Variants in PLEK observed in about 807,000 individuals in gnomAD.
PLEK encodes the protein pleckstrin, also known as platelet 47 kDa protein.
A neutral mutation model predicts 43.9 loss-of-function variants in PLEK; 25 were observed. The observed-to-expected ratio is 0.57, with a 90% CI of 0.41 to 0.79. PLEK has a LOEUF of 0.79. Among genes scored for constraint, PLEK ranks in the 30% least tolerant of loss-of-function variants. The pLI, the probability that PLEK is intolerant of heterozygous loss-of-function variation, is 0.00. For synonymous variants in PLEK, 152 were observed against 144.4 expected, an observed-to-expected ratio of 1.05 and a Z score of -0.38; for missense variants, 396 against 413.3, an observed-to-expected ratio of 0.96 and a Z score of 0.36.
intron 1 of PLEK, among the ~76,000 whole-genome samples, 166 bp from the exon 2 acceptor site, chr2:68,380,162 C>T (rs376295036): frequency 5.9e-4 from 89 of 152,040 alleles, no homozygotes; most frequent in African/African-American, 2.1e-3. Flanking sequence ...AGAATGGCTC[C>T]CCAAGTAGCC....
At chr2:68,390,604 G>T (rs1436929833) in intron 6 of PLEK, among the ~76,000 whole-genome samples, 1 of 152,098 alleles carries the variant, frequency 6.6e-6, no homozygotes, top group Admixed American at 6.6e-5. Flanking sequence ...TAGCTCAGTG[G>T]TTAGTAACCA....
In PLEK at chr2:68,395,819, A is replaced by ACACTCCT. The variant is rs1673952515; in HGVS notation, c.*3_*4insCACTCCT. ...TGGCCTCCCGAACTGGGAAGTAAAGAGACTCCTGCATTCCTCCTCCCCTCC... is the reference window on the plus strand; with the variant it reads ...TGGCCTCCCGAACTGGGAAGTAAAGACACTCCTGACTCCTGCATTCCTCCTCCCCTCC... On this transcript the variant is annotated 3_prime_UTR_variant, in exon 9 of 9. Transcript: ENST00000234313. 2 of 1,612,402 alleles carry ACACTCCT rather than the reference A, an allele frequency of 1.2e-6. No individual in the cohort carries two copies. Among genetic ancestry groups the ACACTCCT allele is most frequent in the Non-Finnish European group, 1.7e-6 (2 of 1,178,606 alleles).
intron 1 of PLEK, among the ~76,000 whole-genome samples, chr2:68,366,887 C>T (rs1225151905): frequency 6.6e-6 from 1 of 152,136 alleles, no homozygotes. Flanking sequence ...TTAAAAACAT[C>T]TTGCAATGAA....
intron 5 of PLEK, among the ~76,000 whole-genome samples, chr2:68,387,382 G>A (rs558670406): frequency 9.2e-5 from 14 of 152,294 alleles, no homozygotes; most frequent in African/African-American, 2.6e-4. Context: ...CGTACTGGAG[G>A]GACAGGCAAA....
chr2:68,370,254 C>T (rs147728500), intron 1 of PLEK, among the ~76,000 whole-genome samples: 3 of 152,076 alleles, frequency 2.0e-5, no homozygotes, highest in Non-Finnish European at 2.9e-5. Context: ...AAAAGAGATG[C>T]CTTCACTTTG....
In PLEK at chr2:68,372,101, T is replaced by C. The variant is rs114818501; in HGVS notation, c.42+6708T>C. ...AAGAATTAAGGATATTAATTTTTAA[T>C]CATATGATGATACAAATATCTATGC... On this transcript the variant is annotated intron_variant, in intron 1 of 8. Coordinates refer to ENST00000234313, the MANE Select transcript of PLEK (RefSeq NM_002664.3). Among the ~76,000 whole-genome samples the C allele has an allele frequency of 3.5e-3, 529 of 152,328 alleles. 3 individuals are homozygous for C. Among genetic ancestry groups the C allele is most frequent in the African/African-American group, 0.012 (489 of 41,572 alleles).
chr2:68,365,367 A>G lies in PLEK; in HGVS notation c.16A>G (p.Ile6Val). Residue 6 changes from isoleucine (I) to valine (V), a missense_variant, in exon 1 of 9, where the codon ATC (isoleucine) becomes GTC (valine). Ile to Val is a conservative substitution (Grantham distance 29). Coordinates refer to ENST00000234313, the MANE Select transcript of PLEK (RefSeq NM_002664.3). Reference protein sequence around the residue: MEPKRIREGYLVKKGS... With the variant: MEPKRVREGYLVKKGS... The stretch of plus-strand genomic sequence containing the variant: ...TCCAGCCAGCATGGAACCAAAGCGG[A>G]TCAGAGAGGGCTACCTTGTGAAGAA... 6.2e-7 allele frequency: 1 copy of G among 1,613,946 alleles called. No individual in the cohort carries two copies. The highest frequency in any genetic ancestry group is 8.5e-7 in the Non-Finnish European group (1 of 1,179,832).
At chr2:68,388,131 A>T (rs17035403) in intron 5 of PLEK, 7,231 of 385,336 alleles carry the variant, frequency 0.019, 126 homozygotes, top group Admixed American at 0.07. Context: ...AGCTTGGGAG[A>T]CCCTCCAGAA....
chr2:68,384,923 T>C (rs1449114584), intron 4 of PLEK, among the ~76,000 whole-genome samples: 2 of 152,196 alleles, frequency 1.3e-5, no homozygotes, highest in African/African-American at 4.8e-5. Context: ...CAGTGTCACT[T>C]AGTTTATCTT....
intron 4 of PLEK, among the ~76,000 whole-genome samples, chr2:68,382,892 T>C (rs1573076485): frequency 1.3e-5 from 2 of 152,202 alleles, no homozygotes; most frequent in South Asian, 4.1e-4. Context: ...GGATTTTTTT[T>C]CTCAATAAAT....
At chr2:68,388,517 T>C (rs771114150) in intron 6 of PLEK, 26 bp downstream of exon 6, 1 of 1,217,216 alleles carries the variant, frequency 8.2e-7, no homozygotes, top group African/African-American at 1.5e-5. Context: ...TGCTCCCATC[T>C]AGCCTTTTCC....
At position 68,365,307 on chromosome 2, in the gene PLEK, A is replaced by G. The variant is rs750652715; in HGVS notation, c.-45A>G. ...ATGCAGAGGAGGCCCAGCTGCTGAG[A>G]GGAGTTGCCTGAGAGTGACCTTTGC... is the stretch of plus-strand genomic sequence containing the variant. On this transcript the variant is annotated 5_prime_UTR_variant, in exon 1 of 9. Coordinates refer to ENST00000234313, the MANE Select transcript of PLEK (RefSeq NM_002664.3). The G allele has an allele frequency of 1.3e-6, 2 of 1,585,034 alleles. No homozygotes were observed. Among genetic ancestry groups the G allele is most frequent in the Non-Finnish European group, 1.7e-6 (2 of 1,153,858 alleles).
chr2:68,385,507 A>G lies in PLEK; in HGVS notation c.473-995A>G, dbSNP rs191978058. Among the ~76,000 whole-genome samples the G allele has an allele frequency of 5.9e-5, 9 of 152,286 alleles. No homozygotes were observed. The East Asian group carries it at 1.7e-3, about 29-fold the overall frequency. ...ATTTAAAAACTTAAAATGATTTCCC[A>G]TTAGCCAAATTTCTTACTGTGCCAT... On this transcript the variant is annotated intron_variant, in intron 4 of 8. Coordinates refer to ENST00000234313, the MANE Select transcript of PLEK (RefSeq NM_002664.3).
chr2:68,369,482 CTT>C (rs367660375), intron 1 of PLEK, among the ~76,000 whole-genome samples: 29 of 135,088 alleles, frequency 2.1e-4, no homozygotes, highest in Admixed American at 3.1e-4. Flanking sequence ...AAACCGTACT[CTT>C]TTTTTTTTTT....
intron 4 of PLEK, among the ~76,000 whole-genome samples, chr2:68,385,669 G>C (rs1479673427): frequency 6.6e-6 from 1 of 151,778 alleles, no homozygotes. Context: ...CCCTCAGCTT[G>C]TGCTGGTTCC....
chr2:68,394,078 A>T lies in PLEK; in HGVS notation c.847-29A>T, dbSNP rs181641816. 285 of 1,502,314 alleles carry T rather than the reference A, an allele frequency of 1.9e-4. 4 individuals are homozygous for T. In the East Asian group the frequency reaches 4.9e-3, roughly 26 times the overall value. The allele number at this position is 1,502,314 out of a possible 1,614,324, so 93.1% of individuals were successfully genotyped here. ...TCTATCTATACTCTGCATTTTGGAA[A>T]CATAATGAACAACTCCTTTCTTCTT... On this transcript the variant is annotated intron_variant, in intron 7 of 8. Coordinates refer to ENST00000234313, the MANE Select transcript of PLEK (RefSeq NM_002664.3).
At position 68,380,364 on chromosome 2, in the gene PLEK, G is replaced by T. The variant is rs371962754; in HGVS notation, c.79G>T (p.Val27Leu). Residue 27 changes from valine (V) to leucine (L), a missense_variant, in exon 2 of 9, where the codon GTA becomes TTA. Physicochemically the swap from Val to Leu is conservative, Grantham distance 32. Transcript: ENST00000234313. The stretch of plus-strand genomic sequence containing the variant: ...CAATACGTGGAAACCCATGTGGGTT[G>T]TATTGTTAGAAGATGGAATTGAATT... ...VFNTWKPMWVVLLEDGIEFYK... is the reference protein window; with the variant it reads ...VFNTWKPMWVLLLEDGIEFYK... 1.9e-6 allele frequency: 3 copies of T among 1,613,612 alleles called. No homozygotes were observed. In the African/African-American group the frequency reaches 4.0e-5, roughly 22 times the overall value.
At chr2:68,390,722 T>C (rs1286182526) in intron 6 of PLEK, among the ~76,000 whole-genome samples, 1 of 152,318 alleles carries the variant, frequency 6.6e-6, no homozygotes. Flanking sequence ...TAGCCAGGAT[T>C]AACTTCATAG....
chr2:68,386,435 G>C (rs1173388570), intron 4 of PLEK, 67 bp from the exon 5 acceptor site: 8 of 1,287,502 alleles, frequency 6.2e-6, no homozygotes, highest in Non-Finnish European at 8.9e-6. Context: ...AGTCAGTTCA[G>C]GGGTGATTGT....
Sources: allele counts gnomAD v4.1 joint callset (sites outside exome capture counted in the v4.1 genomes callset), GRCh38; gene constraint gnomAD v4.1.1; transcripts MANE v1.5; gene names NCBI Gene and HGNC (gene_info 2026-07-23, HGNC 2026-07-21).